Variants in TENM2 observed in about 807,000 individuals in gnomAD.
TENM2 encodes teneurin-2.
A neutral mutation model predicts 245.2 loss-of-function variants in TENM2; 52 were observed. The observed-to-expected ratio is 0.21, with a 90% CI of 0.17 to 0.27. TENM2 has a LOEUF of 0.27. Ranked by LOEUF, TENM2 falls within the 10% of genes least tolerant of loss-of-function variation. The pLI, the probability that TENM2 is intolerant of heterozygous loss-of-function variation, is 1.00. For synonymous variants in TENM2, 1,363 were observed against 1,438.9 expected (o/e 0.95, Z 1.19); for missense variants, 3,046 against 3,666.8 (o/e 0.83, Z 4.37).
intron 2 of TENM2, among the ~76,000 whole-genome samples, chr5:167,572,487 C>G (rs960232667): frequency 1.3e-5 from 2 of 152,134 alleles, no homozygotes; most frequent in Non-Finnish European, 2.9e-5. Flanking sequence ...GAAGAGATGG[C>G]CAGTCAAAAG....
At chr5:167,716,509 A>G (rs1195271932) in intron 2 of TENM2, among the ~76,000 whole-genome samples, 1 of 152,204 alleles carries the variant, frequency 6.6e-6, no homozygotes, top group African/African-American at 2.4e-5. Flanking sequence ...TACCTTCCAG[A>G]TTGTGGCTTT....
At chr5:168,049,060 A>G (rs1022705472) in intron 6 of TENM2, among the ~76,000 whole-genome samples, 7 of 152,214 alleles carry the variant, frequency 4.6e-5, no homozygotes, top group African/African-American at 1.7e-4. Flanking sequence ...CTTCAGTTTT[A>G]TCTAGGGCAA....
exon 2 of TENM2, chr5:167,375,400 C>T: frequency 6.4e-7 from 1 of 1,551,670 alleles, no homozygotes; most frequent in Non-Finnish European, 8.7e-7. Flanking sequence ...GCAGTTCCGG[C>T]CTGTCCAGTC....
the TENM2 span, among the ~76,000 whole-genome samples, chr5:167,024,082 A>G: frequency 1.3e-5 from 2 of 152,190 alleles, no homozygotes; most frequent in South Asian, 2.1e-4. Flanking sequence ...ATTTAAATAC[A>G]TCTACTTCAA....
chr5:167,233,305 AT>A, the TENM2 span, among the ~76,000 whole-genome samples: 1 of 152,062 alleles, frequency 6.6e-6, no homozygotes, highest in Non-Finnish European at 1.5e-5. Flanking sequence ...AGGCCATATC[AT>A]TGTATGTGTA....
intron 2 of TENM2, among the ~76,000 whole-genome samples, chr5:167,480,443 G>A (rs1383627300): frequency 6.6e-6 from 1 of 152,180 alleles, no homozygotes; most frequent in Non-Finnish European, 1.5e-5. Flanking sequence ...GCAGAATTAT[G>A]CATGTAAATT....
intron 2 of TENM2, among the ~76,000 whole-genome samples, chr5:167,441,809 C>T (rs550740537): frequency 3.2e-4 from 49 of 152,248 alleles, no homozygotes; most frequent in Non-Finnish European, 5.9e-4. Flanking sequence ...GCTTCTCTTG[C>T]GATGATGGGT....
At chr5:167,891,238 A>G (rs536120951) in intron 3 of TENM2, among the ~76,000 whole-genome samples, 2 of 152,256 alleles carry the variant, frequency 1.3e-5, no homozygotes, top group South Asian at 2.1e-4. Context: ...CTGCTAATAG[A>G]CAAATTTTGT....
intron 2 of TENM2, among the ~76,000 whole-genome samples, chr5:167,626,135 A>C (rs936941657): frequency 3.3e-5 from 5 of 152,152 alleles, no homozygotes; most frequent in African/African-American, 1.2e-4. Context: ...AGTGCCAAAG[A>C]ATTTGTGAGC....
the TENM2 span, among the ~76,000 whole-genome samples, chr5:167,014,140 C>CTTTTTTTTTTTTTTTT: frequency 1.6e-5 from 2 of 128,648 alleles, no homozygotes; most frequent in African/African-American, 2.9e-5. Flanking sequence ...AAAACCAATT[C>CTTTTTTTTTTTTTTTT]TTTTTTTTTT....
chr5:167,808,632 C>T (rs2150983203), intron 2 of TENM2, among the ~76,000 whole-genome samples: 1 of 152,268 alleles, frequency 6.6e-6, no homozygotes, highest in South Asian at 2.1e-4. Context: ...TATACTATTA[C>T]CTTTATTGTA....
At chr5:167,831,164 A>G (rs1768442883) in intron 2 of TENM2, among the ~76,000 whole-genome samples, 1 of 151,788 alleles carries the variant, frequency 6.6e-6, no homozygotes, top group Non-Finnish European at 1.5e-5. Flanking sequence ...GTACCTAACT[A>G]TGACCTCTGA....
chr5:167,041,819 G>T, the TENM2 span, among the ~76,000 whole-genome samples: 2 of 152,162 alleles, frequency 1.3e-5, no homozygotes, highest in African/African-American at 4.8e-5. Flanking sequence ...AAGGGCACAA[G>T]TGGTCCATGC....
intron 2 of TENM2, among the ~76,000 whole-genome samples, chr5:167,682,801 C>T (rs912929849): frequency 1.3e-5 from 2 of 152,130 alleles, no homozygotes; most frequent in Non-Finnish European, 2.9e-5. Flanking sequence ...GTCAGGCAAA[C>T]TGGGGACCCT....
the TENM2 span, among the ~76,000 whole-genome samples, chr5:166,993,267 T>G: frequency 6.6e-6 from 1 of 152,148 alleles, no homozygotes; most frequent in South Asian, 2.1e-4. Flanking sequence ...ATGGATATTT[T>G]GCAAGAAAAG....
At chr5:167,971,044 C>A (rs1157785809) in intron 4 of TENM2, among the ~76,000 whole-genome samples, 2 of 152,136 alleles carry the variant, frequency 1.3e-5, no homozygotes, top group African/African-American at 4.8e-5. Flanking sequence ...TGGGGACATC[C>A]TCATGTCCTG....
At chr5:167,691,556 C>G (rs189842128) in intron 2 of TENM2, among the ~76,000 whole-genome samples, 31 of 152,274 alleles carry the variant, frequency 2.0e-4, no homozygotes, top group Admixed American at 2.0e-3. Flanking sequence ...TCCCATTTCT[C>G]CAATCTTATT....
chr5:167,820,563 G>A (rs543604065), intron 2 of TENM2, among the ~76,000 whole-genome samples: 1 of 152,196 alleles, frequency 6.6e-6, no homozygotes, highest in Non-Finnish European at 1.5e-5. Context: ...TTGGCTTTTG[G>A]AGAATGAGAA....
chr5:167,022,648 CT>C, the TENM2 span, among the ~76,000 whole-genome samples: 6 of 152,122 alleles, frequency 3.9e-5, no homozygotes, highest in Admixed American at 1.3e-4. Flanking sequence ...TCCTTGTCTT[CT>C]TTTGAAAAAT....
Sources: allele counts gnomAD v4.1 joint callset (sites outside exome capture counted in the v4.1 genomes callset), GRCh38; gene constraint gnomAD v4.1.1; transcripts MANE v1.5; gene names NCBI Gene and HGNC (gene_info 2026-07-23, HGNC 2026-07-21).